Variants in UQCC1 observed in about 807,000 individuals in gnomAD.
UQCC1 encodes bFGF-repressed Zic-binding protein.
A neutral mutation model predicts 48.0 loss-of-function variants in UQCC1; 38 were observed. The ratio of observed to expected loss-of-function variants is 0.79; its 90% CI spans 0.61 to 1.04. The LOEUF is 1.04. UQCC1 is among the 50% of genes least tolerant of loss of function. UQCC1 has a pLI of 0.00. For synonymous variants in UQCC1, 111 were observed against 129.2 expected (o/e 0.86, Z 0.95); for missense variants, 368 against 381.8 (o/e 0.96, Z 0.30).
At chr20:35,320,310 C>T (rs758305545) in intron 7 of UQCC1, among the ~76,000 whole-genome samples, 1 of 152,204 alleles carries the variant, frequency 6.6e-6, no homozygotes, top group African/African-American at 2.4e-5. Context: ...CCACTTAAAC[C>T]TTCCCAAGGA....
chr20:35,402,692 C>T (rs918127485), intron 1 of UQCC1, among the ~76,000 whole-genome samples: 6 of 151,998 alleles, frequency 3.9e-5, no homozygotes, highest in Admixed American at 3.3e-4. Context: ...ACTCAGGAGG[C>T]TGAGGCACAA....
chr20:35,362,419 C>CA (rs1412981209), intron 6 of UQCC1, among the ~76,000 whole-genome samples: 1 of 152,156 alleles, frequency 6.6e-6, no homozygotes, highest in Non-Finnish European at 1.5e-5. Context: ...GTGCGTGGCG[C>CA]CATCTCGGCT....
At chr20:35,381,295 T>A (rs2061864490) in intron 4 of UQCC1, among the ~76,000 whole-genome samples, 1 of 152,102 alleles carries the variant, frequency 6.6e-6, no homozygotes, top group South Asian at 2.1e-4. Context: ...AAAATATGGG[T>A]CCATCAGAAA....
At chr20:35,307,028 G>A in intron 8 of UQCC1, 1 of 524,368 alleles carries the variant, frequency 1.9e-6, no homozygotes, top group Non-Finnish European at 3.5e-6. Flanking sequence ...CACCAGTTAG[G>A]TGATGCAGAG....
intron 5 of UQCC1, among the ~76,000 whole-genome samples, chr20:35,370,430 T>A (rs2061717862): frequency 6.6e-6 from 1 of 152,200 alleles, no homozygotes; most frequent in Admixed American, 6.5e-5. Flanking sequence ...GAAAGATATT[T>A]GTCATCTTCT....
At chr20:35,326,514 C>G (rs1356592708) in intron 7 of UQCC1, among the ~76,000 whole-genome samples, 1 of 152,172 alleles carries the variant, frequency 6.6e-6, no homozygotes, top group Non-Finnish European at 1.5e-5. Flanking sequence ...TTGAGCCCGG[C>G]AGGCGTCTCC....
chr20:35,321,252 CTGTGTGTGTGTGTGTG>C (rs58532328), intron 7 of UQCC1, among the ~76,000 whole-genome samples: 1 of 147,224 alleles, frequency 6.8e-6, no homozygotes, highest in Non-Finnish European at 1.5e-5. Context: ...ACAAACAAAA[CTGTGTGTGTGTGTGTG>C]TGTGTGTGTG....
chr20:35,376,317 A>T (rs1437308325), intron 4 of UQCC1, among the ~76,000 whole-genome samples: 1 of 152,110 alleles, frequency 6.6e-6, no homozygotes, highest in Non-Finnish European at 1.5e-5. Flanking sequence ...CAAAAAAAAA[A>T]TCAATAAAAT....
chr20:35,371,723 A>G (rs1451252850), intron 5 of UQCC1, among the ~76,000 whole-genome samples: 1 of 137,376 alleles, frequency 7.3e-6, no homozygotes, highest in African/African-American at 2.6e-5. Context: ...AAAAAAAAAC[A>G]GGCTGGGCAT....
intron 2 of UQCC1, chr20:35,392,361 G>T: frequency 8.8e-7 from 1 of 1,138,456 alleles, no homozygotes; most frequent in Non-Finnish European, 1.2e-6. Context: ...AATTACATCT[G>T]GTCAGCATGA....
intron 1 of UQCC1, among the ~76,000 whole-genome samples, chr20:35,402,831 C>G (rs532784612): frequency 2.0e-5 from 3 of 151,460 alleles, no homozygotes; most frequent in Admixed American, 6.6e-5. Context: ...TTTGGGAGGC[C>G]GAGGCAGGCG....
intron 9 of UQCC1, among the ~76,000 whole-genome samples, chr20:35,304,833 G>A (rs767642940): frequency 1.3e-5 from 2 of 152,086 alleles, no homozygotes; most frequent in South Asian, 2.1e-4. Flanking sequence ...GGTTGCTTCC[G>A]CTTCCAGCTG....
intron 2 of UQCC1, among the ~76,000 whole-genome samples, chr20:35,393,670 C>T (rs2062039324): frequency 6.6e-6 from 1 of 152,066 alleles, no homozygotes; most frequent in South Asian, 2.1e-4. Context: ...AGGTAAACTA[C>T]ATTATAATGA....
chr20:35,309,502 A>G (rs771244702), intron 8 of UQCC1, among the ~76,000 whole-genome samples: 9 of 152,156 alleles, frequency 5.9e-5, no homozygotes, highest in Non-Finnish European at 1.2e-4. Flanking sequence ...CCACACTGCT[A>G]GTGTAAGGCA....
At chr20:35,322,762 C>T (rs1218576445) in intron 7 of UQCC1, among the ~76,000 whole-genome samples, 5 of 151,970 alleles carry the variant, frequency 3.3e-5, no homozygotes, top group African/African-American at 1.2e-4. Context: ...AAAACAAAAA[C>T]GTTAAGTCAC....
chr20:35,309,369 G>A (rs2060964949), intron 8 of UQCC1, among the ~76,000 whole-genome samples: 1 of 152,020 alleles, frequency 6.6e-6, no homozygotes, highest in African/African-American at 2.4e-5. Flanking sequence ...GGAGGTTGAG[G>A]ATACAGTGAG....
intron 1 of UQCC1, among the ~76,000 whole-genome samples, chr20:35,406,082 A>C (rs1321373932): frequency 1.3e-5 from 2 of 152,176 alleles, no homozygotes; most frequent in Non-Finnish European, 2.9e-5. Context: ...GAAAAGCAAA[A>C]ACAAAAAAAG....
chr20:35,317,924 A>AGGGCT (rs10626059), intron 7 of UQCC1, among the ~76,000 whole-genome samples: 72,517 of 151,544 alleles, frequency 0.48, 19,046 homozygotes, highest in African/African-American at 0.71. Flanking sequence ...TCTTCCAGAA[A>AGGGCT]GGGGTAAAGG....
chr20:35,384,966 C>CAAA (rs57141083), intron 2 of UQCC1, among the ~76,000 whole-genome samples: 4 of 69,760 alleles, frequency 5.7e-5, no homozygotes, highest in African/African-American at 1.9e-4. Flanking sequence ...GAATCGGTCT[C>CAAA]AAAAAAAAAA....
Sources: allele counts gnomAD v4.1 joint callset (sites outside exome capture counted in the v4.1 genomes callset), GRCh38; gene constraint gnomAD v4.1.1; transcripts MANE v1.5; gene names NCBI Gene and HGNC (gene_info 2026-07-23, HGNC 2026-07-21).